FGF14: variants seen among roughly 807,000 people sequenced by gnomAD.
The protein encoded by FGF14 is fibroblast growth factor homologous factor 4.
A neutral mutation model predicts 25.5 loss-of-function variants in FGF14; 5 were observed. The ratio of observed to expected loss-of-function variants is 0.20; its 90% CI spans 0.10 to 0.41. The LOEUF is 0.41. Ranked by LOEUF, FGF14 falls within the 10% of genes least tolerant of loss-of-function variation. FGF14 has a pLI of 1.00. For missense variants in FGF14, 222 were observed against 320.1 expected (o/e 0.69, Z 2.34); for synonymous variants, 138 against 118.3 (o/e 1.17, Z -1.08).
chr13:102,319,349 A>G (rs570444029), intron 1 of FGF14, among the ~76,000 whole-genome samples: 3 of 152,310 alleles, frequency 2.0e-5, no homozygotes, highest in African/African-American at 7.2e-5. Flanking sequence ...ACTGGGGAAC[A>G]CACCCCCTGC....
chr13:101,791,336 G>T (rs1340137615), intron 3 of FGF14, among the ~76,000 whole-genome samples: 1 of 152,032 alleles, frequency 6.6e-6, no homozygotes, highest in Non-Finnish European at 1.5e-5. Flanking sequence ...TAGCCTTAAT[G>T]AGCTGACAAT....
intron 3 of FGF14, among the ~76,000 whole-genome samples, chr13:101,782,536 C>T (rs2039563946): frequency 6.6e-6 from 1 of 152,162 alleles, no homozygotes; most frequent in South Asian, 2.1e-4. Flanking sequence ...TCTCCCTCCT[C>T]CTACCCTTCA....
intron 3 of FGF14, among the ~76,000 whole-genome samples, chr13:101,811,042 G>T (rs376468715): frequency 1.2e-5 from 1 of 85,168 alleles, no homozygotes; most frequent in Non-Finnish European, 2.5e-5. Context: ...GCCCCCCCCG[G>T]CCCCCGCATT....
chr13:102,312,818 C>T (rs900731380), intron 1 of FGF14, among the ~76,000 whole-genome samples: 1 of 152,204 alleles, frequency 6.6e-6, no homozygotes, highest in Non-Finnish European at 1.5e-5. Flanking sequence ...TCCTCAGAGA[C>T]ATATGAAGAA....
At chr13:102,048,128 A>G (rs940999414) in intron 1 of FGF14, among the ~76,000 whole-genome samples, 20 of 152,108 alleles carry the variant, frequency 1.3e-4, no homozygotes, top group African/African-American at 4.8e-4. Context: ...CCAAGTTTCT[A>G]TGACTGGGTT....
chr13:101,941,175 C>T (rs1258213345), intron 1 of FGF14, among the ~76,000 whole-genome samples: 2 of 152,316 alleles, frequency 1.3e-5, no homozygotes, highest in African/African-American at 4.8e-5. Flanking sequence ...CATCACAAAG[C>T]AAGGACACAG....
At chr13:102,239,784 T>C (rs994978090) in intron 1 of FGF14, among the ~76,000 whole-genome samples, 1 of 152,168 alleles carries the variant, frequency 6.6e-6, no homozygotes, top group Non-Finnish European at 1.5e-5. Flanking sequence ...TTGTCTTAAT[T>C]ATTTCTGATT....
intron 1 of FGF14, among the ~76,000 whole-genome samples, chr13:102,336,256 A>G (rs1355460048): frequency 6.6e-6 from 1 of 152,224 alleles, no homozygotes; most frequent in Non-Finnish European, 1.5e-5. Context: ...GTGCTACTCC[A>G]GCGAACACAT....
In FGF14 at chr13:102,372,441, G is replaced by A. The variant is rs144369035; in HGVS notation, c.208+29030C>T. Among the ~76,000 whole-genome samples the A allele has an allele frequency of 4.4e-3, 672 of 152,236 alleles. 4 individuals are homozygous for A. Among genetic ancestry groups the A allele is most frequent in the Middle Eastern group, 0.02 (6 of 294 alleles). On this transcript the variant is annotated intron_variant, in intron 1 of 4. Transcript: ENST00000376131. ...CTGGCAACTCTACAAAGCAGCAGAC[G>A]AGAAGACTAGCGATGAAGACATGCC...
chr13:102,217,524 G>T (rs1402843350), intron 1 of FGF14, among the ~76,000 whole-genome samples: 4 of 152,134 alleles, frequency 2.6e-5, no homozygotes, highest in Non-Finnish European at 5.9e-5. Context: ...TGCCACAAAT[G>T]AGATGAATAG....
At chr13:102,359,625 A>C (rs2057511751) in intron 1 of FGF14, among the ~76,000 whole-genome samples, 1 of 152,192 alleles carries the variant, frequency 6.6e-6, no homozygotes, top group Non-Finnish European at 1.5e-5. Context: ...GTGAAGATGT[A>C]CAGTGGTTTA....
intron 3 of FGF14, among the ~76,000 whole-genome samples, chr13:101,733,727 T>C (rs2035981804): frequency 6.6e-6 from 1 of 151,866 alleles, no homozygotes. Flanking sequence ...GGCCAAATTC[T>C]GTTACTTAAG....
chr13:101,966,055 G>A (rs2037172501), intron 1 of FGF14, among the ~76,000 whole-genome samples: 2 of 152,132 alleles, frequency 1.3e-5, no homozygotes, highest in African/African-American at 4.8e-5. Context: ...ACAGAATTAA[G>A]GGGAAGGGAA....
At chr13:101,987,303 C>T (rs547612677) in intron 1 of FGF14, among the ~76,000 whole-genome samples, 180 of 152,194 alleles carry the variant, frequency 1.2e-3, no homozygotes, top group African/African-American at 4.2e-3. Context: ...AAGTCTGCTG[C>T]TCTCTCTCCC....
chr13:102,152,571 T>C (rs548745509), intron 1 of FGF14, among the ~76,000 whole-genome samples: 7 of 152,284 alleles, frequency 4.6e-5, no homozygotes, highest in Admixed American at 1.3e-4. Flanking sequence ...TTTTGGAGTA[T>C]AGGGAGTGAG....
At chr13:101,726,257 A>G (rs2035426206) in intron 4 of FGF14, among the ~76,000 whole-genome samples, 1 of 152,028 alleles carries the variant, frequency 6.6e-6, no homozygotes, top group Admixed American at 6.6e-5. Context: ...ATCTTTTTCT[A>G]ATATACTTAT....
At chr13:101,724,078 G>A (rs916790356) in intron 4 of FGF14, among the ~76,000 whole-genome samples, 1 of 151,984 alleles carries the variant, frequency 6.6e-6, no homozygotes, top group Non-Finnish European at 1.5e-5. Context: ...TAAATTACTT[G>A]CTAAGGTAGC....
chr13:101,819,570 T>C (rs1181260532), intron 3 of FGF14, among the ~76,000 whole-genome samples: 1 of 152,218 alleles, frequency 6.6e-6, no homozygotes, highest in Non-Finnish European at 1.5e-5. Flanking sequence ...TGGCGTAATT[T>C]TGTACTTAAA....
chr13:101,976,360 TTAG>T (rs1417188567), intron 1 of FGF14, among the ~76,000 whole-genome samples: 3 of 152,226 alleles, frequency 2.0e-5, no homozygotes, highest in African/African-American at 7.2e-5. Flanking sequence ...CGCTAGCAAC[TTAG>T]TAGCCCATTG....
Sources: allele counts gnomAD v4.1 joint callset (sites outside exome capture counted in the v4.1 genomes callset), GRCh38; gene constraint gnomAD v4.1.1; transcripts MANE v1.5; gene names NCBI Gene and HGNC (gene_info 2026-07-23, HGNC 2026-07-21).